The following EFCAB5 variants were observed in gnomAD, a reference collection of about 807,000 sequenced individuals.
The protein encoded by EFCAB5 is EF-hand calcium-binding domain-containing protein 5.
In EFCAB5, 131 loss-of-function variants were observed where a neutral mutation model predicts 167.9. The ratio of observed to expected loss-of-function variants is 0.78; its 90% CI spans 0.68 to 0.90. The LOEUF is 0.90. Among genes scored for constraint, EFCAB5 ranks in the 40% least tolerant of loss-of-function variants. The pLI is 0.00. For missense variants in EFCAB5, 1,663 were observed against 1,745.2 expected, an observed-to-expected ratio of 0.95 and a Z score of 0.84; for synonymous variants, 574 against 602.8, an observed-to-expected ratio of 0.95 and a Z score of 0.70.
chr17:30,091,782 A>G (rs186828348), intron 20 of EFCAB5, 89 bp from the exon 21 acceptor site: 1 of 1,409,514 alleles, frequency 7.1e-7, no homozygotes, highest in East Asian at 2.3e-5. Context: ...AACATTTACT[A>G]TAATATGTTC....
chr17:29,968,264 A>C (rs1385614108), intron 3 of EFCAB5: 10 of 433,928 alleles, frequency 2.3e-5, no homozygotes, highest in Middle Eastern at 4.8e-4. Flanking sequence ...AAACCCTGGC[A>C]CCAAGAAATA....
rs762132058 is a variant in EFCAB5, at chr17:30,092,919, T to C, written c.4304T>C (p.Ile1435Thr). Residue 1435 changes from isoleucine to threonine, a missense_variant, in exon 22 of 23, where the codon ATT becomes ACT. Coordinates refer to ENST00000394835, the MANE Select transcript of EFCAB5 (RefSeq NM_198529.4). ...CATGTGGAAGTTAATGTACAGCTTA[T>C]TGATGAATATATCAGAGGTAAATTT... The part of the protein sequence containing the change: ...AKHVEVNVQL[I>T]DEYIRDHSRT... 7.5e-6 allele frequency: 12 copies of C among 1,608,540 alleles called. No individual in the cohort carries two copies. Among genetic ancestry groups the C allele is most frequent in the Non-Finnish European group, 8.5e-7 (1 of 1,177,698 alleles).
chr17:30,088,510 T>C (rs576711187), intron 19 of EFCAB5, among the ~76,000 whole-genome samples: 1 of 152,354 alleles, frequency 6.6e-6, no homozygotes, highest in African/African-American at 2.4e-5. Flanking sequence ...TGTGTGAATA[T>C]TAGCAAGACT....
intron 8 of EFCAB5, among the ~76,000 whole-genome samples, chr17:30,036,414 G>A (rs1337075224): frequency 6.9e-6 from 1 of 145,140 alleles, no homozygotes; most frequent in Non-Finnish European, 1.5e-5. Flanking sequence ...TAATATTAGA[G>A]AGAGAGAGAG....
chr17:29,956,336 A>G (rs2067614713), intron 3 of EFCAB5, among the ~76,000 whole-genome samples: 1 of 152,268 alleles, frequency 6.6e-6, no homozygotes, highest in South Asian at 2.1e-4. Context: ...GAAAAGGATC[A>G]GAGCAACTCC....
chr17:29,981,370 C>T (rs575648208), intron 4 of EFCAB5, among the ~76,000 whole-genome samples: 20 of 152,310 alleles, frequency 1.3e-4, no homozygotes, highest in African/African-American at 4.3e-4. Context: ...TCAGGGTCTT[C>T]ACATATGCCA....
At chr17:30,106,240 C>T (rs1202751064) in intron 22 of EFCAB5, among the ~76,000 whole-genome samples, 1 of 151,494 alleles carries the variant, frequency 6.6e-6, no homozygotes, top group Non-Finnish European at 1.5e-5. Flanking sequence ...GCCTGGGCAA[C>T]ATAAGACCCT....
Position 29,942,253 on chromosome 17 carries a change from A to G in EFCAB5, c.56A>G (p.Glu19Gly). 1.9e-6 allele frequency: 3 copies of G among 1,588,658 alleles called. No homozygotes were observed. The highest frequency in any genetic ancestry group is 2.6e-6 in the Non-Finnish European group (3 of 1,167,190). The change falls in exon 2 of 23, where the codon GAA becomes GGA. Residue 19 changes from glutamate to glycine, a missense_variant. Coordinates refer to ENST00000394835, the MANE Select transcript of EFCAB5 (RefSeq NM_198529.4). The stretch of plus-strand genomic sequence containing the variant: ...TTTGCATTTCAGGAAAACAGAAAAG[A>G]AGACAAAGAGAGGAAATGGAACTTA... ...ELRPAQENRK[E>G]DKERKWNLTE...
intron 22 of EFCAB5, among the ~76,000 whole-genome samples, chr17:30,093,463 T>C (rs147064684): frequency 3.2e-4 from 49 of 152,302 alleles, no homozygotes; most frequent in African/African-American, 1.0e-3. Flanking sequence ...AATTCATTTA[T>C]AGTTTGTTTT....
At chr17:29,997,406 C>T (rs535330835) in intron 6 of EFCAB5, among the ~76,000 whole-genome samples, 17 of 151,516 alleles carry the variant, frequency 1.1e-4, no homozygotes, top group African/African-American at 4.1e-4. Flanking sequence ...TACAGTTGAC[C>T]ATTTTATTTG....
chr17:30,079,796 G>C (rs1408441725), intron 15 of EFCAB5, among the ~76,000 whole-genome samples: 1 of 152,158 alleles, frequency 6.6e-6, no homozygotes, highest in African/African-American at 2.4e-5. Context: ...CTCTAAATTT[G>C]AGTAGACTTG....
chr17:30,092,863 C>A lies in EFCAB5; in HGVS notation c.4248C>A (p.Asn1416Lys). Reference protein sequence around the residue: ...CKFYVNKYLVNNICAFDPTAK... With the variant: ...CKFYVNKYLVKNICAFDPTAK... The stretch of plus-strand genomic sequence containing the variant: ...AGTATGTTAACAAATATTTAGTCAA[C>A]AATATTTGTGCCTTTGATCCAACTG... The change falls in exon 22 of 23, where the codon AAC becomes AAA. Residue 1416 changes from asparagine to lysine, a missense_variant. Physicochemically the swap from Asn to Lys is moderately conservative, Grantham distance 94. Coordinates refer to ENST00000394835, the MANE Select transcript of EFCAB5 (RefSeq NM_198529.4). 1 of 1,610,666 alleles carries A rather than the reference C, an allele frequency of 6.2e-7. No homozygotes were observed. The highest frequency in any genetic ancestry group is 1.1e-5 in the South Asian group (1 of 90,554).
At chr17:30,079,947 T>C (rs1038189587) in intron 15 of EFCAB5, 125 bp from the exon 16 acceptor site, 8 of 1,138,928 alleles carry the variant, frequency 7.0e-6, no homozygotes, top group Middle Eastern at 2.3e-4. Flanking sequence ...TAGTAATATA[T>C]GCATTCTTTA....
intron 19 of EFCAB5, among the ~76,000 whole-genome samples, chr17:30,087,622 C>G (rs745824045): frequency 6.6e-6 from 1 of 152,196 alleles, no homozygotes; most frequent in Non-Finnish European, 1.5e-5. Flanking sequence ...GACATGATCT[C>G]ATTCCTCTTT....
intron 8 of EFCAB5, among the ~76,000 whole-genome samples, chr17:30,036,382 A>G (rs921003988): frequency 9.8e-5 from 10 of 102,236 alleles, no homozygotes; most frequent in Non-Finnish European, 1.4e-4. Flanking sequence ...TAATACACAT[A>G]TATAATATAT....
intron 13 of EFCAB5, chr17:30,058,986 G>GAAAA (rs200455600): frequency 8.3e-6 from 1 of 121,166 alleles, no homozygotes; most frequent in African/African-American, 2.9e-5. Flanking sequence ...GAATAAATTT[G>GAAAA]AAAAAAAAAA....
chr17:29,966,405 T>C (rs1597591943), intron 3 of EFCAB5, among the ~76,000 whole-genome samples: 1 of 152,000 alleles, frequency 6.6e-6, no homozygotes, highest in South Asian at 2.1e-4. Flanking sequence ...CCAAGGTGGG[T>C]GAATCACTTG....
At chr17:30,069,370 C>T in intron 14 of EFCAB5, 1 of 1,557,496 alleles carries the variant, frequency 6.4e-7, no homozygotes, top group African/African-American at 1.4e-5. Context: ...AAATGAACAG[C>T]TTGTTTGATG....
At chr17:30,083,660 G>A (rs2151839021) in intron 18 of EFCAB5, among the ~76,000 whole-genome samples, 1 of 152,264 alleles carries the variant, frequency 6.6e-6, no homozygotes, top group African/African-American at 2.4e-5. Flanking sequence ...CTCCATATTG[G>A]TCAGGCTAGT....
Sources: allele counts gnomAD v4.1 joint callset (sites outside exome capture counted in the v4.1 genomes callset), GRCh38; gene constraint gnomAD v4.1.1; transcripts MANE v1.5; gene names NCBI Gene and HGNC (gene_info 2026-07-23, HGNC 2026-07-21).